Variants in CTNNA3 observed in about 807,000 individuals in gnomAD.
CTNNA3 encodes catenin alpha-3.
A neutral mutation model predicts 95.7 loss-of-function variants in CTNNA3; 76 were observed. The observed-to-expected ratio is 0.79, with a 90% CI of 0.66 to 0.96. The LOEUF (loss-of-function observed/expected upper bound fraction) is 0.96, where lower values mean the gene tolerates loss of function less well. Ranked by LOEUF, CTNNA3 falls within the 40% of genes least tolerant of loss-of-function variation. CTNNA3 has a pLI of 0.00. For missense variants in CTNNA3, 1,191 were observed against 1,089.8 expected (o/e 1.09, Z -1.31); for synonymous variants, 431 against 374.4 (o/e 1.15, Z -1.74).
At chr10:67,542,387 G>A (rs766545960) in intron 3 of CTNNA3, among the ~76,000 whole-genome samples, 3 of 152,164 alleles carry the variant, frequency 2.0e-5, no homozygotes, top group Middle Eastern at 3.4e-3. Context: ...AAACTAGTAA[G>A]TGCAAGAGCT....
At chr10:66,875,925 C>T (rs947160689) in intron 7 of CTNNA3, among the ~76,000 whole-genome samples, 2 of 152,098 alleles carry the variant, frequency 1.3e-5, no homozygotes, top group African/African-American at 2.4e-5. Context: ...TTTTCAGTGT[C>T]AGGTGCCTAC....
intron 7 of CTNNA3, among the ~76,000 whole-genome samples, chr10:67,062,570 T>G (rs2133224434): frequency 6.6e-6 from 1 of 151,770 alleles, no homozygotes; most frequent in African/African-American, 2.4e-5. Context: ...GCAGGCAAAC[T>G]TAGAACACAA....
chr10:66,067,934 T>A (rs1397399768), intron 15 of CTNNA3, among the ~76,000 whole-genome samples: 1 of 151,952 alleles, frequency 6.6e-6, no homozygotes, highest in African/African-American at 2.4e-5. Flanking sequence ...ATAAAAAGTT[T>A]ATCACTTTAT....
chr10:66,095,701 A>AT (rs558648400), intron 14 of CTNNA3, among the ~76,000 whole-genome samples: 135 of 151,900 alleles, frequency 8.9e-4, no homozygotes, highest in Middle Eastern at 3.4e-3. Flanking sequence ...TTTACATGGC[A>AT]TTTTTTTTAC....
chr10:67,130,155 C>T (rs1046624836), intron 7 of CTNNA3, among the ~76,000 whole-genome samples: 1 of 152,056 alleles, frequency 6.6e-6, no homozygotes, highest in Non-Finnish European at 1.5e-5. Flanking sequence ...AGGAGGGTTC[C>T]TGCCTCAGTG....
intron 5 of CTNNA3, among the ~76,000 whole-genome samples, chr10:67,292,065 T>G (rs1444690423): frequency 1.3e-5 from 2 of 152,320 alleles, no homozygotes; most frequent in South Asian, 4.1e-4. Context: ...TAGACTCTTC[T>G]TGGCCTCTCT....
chr10:66,602,959 G>T (rs937000485), intron 10 of CTNNA3, among the ~76,000 whole-genome samples: 4 of 151,770 alleles, frequency 2.6e-5, no homozygotes, highest in Non-Finnish European at 4.4e-5. Context: ...CACAATAAAG[G>T]CCATATGTGA....
intron 7 of CTNNA3, chr10:66,928,356 T>C (rs1244547911): frequency 1.2e-6 from 2 of 1,614,186 alleles, no homozygotes; most frequent in Non-Finnish European, 1.7e-6. Flanking sequence ...AGGAATTTTA[T>C]GTAGATTATA....
chr10:66,638,248 T>C (rs1369617677), intron 9 of CTNNA3, among the ~76,000 whole-genome samples: 2 of 152,204 alleles, frequency 1.3e-5, no homozygotes, highest in Non-Finnish European at 2.9e-5. Flanking sequence ...AAACTGTTCC[T>C]GCAAGTGACT....
chr10:67,711,839 T>C (rs1343371824), intron 1 of CTNNA3, among the ~76,000 whole-genome samples: 2 of 149,910 alleles, frequency 1.3e-5, no homozygotes, highest in East Asian at 2.0e-4. Context: ...CGGTGTTTGG[T>C]TTTTTGTTCT....
At chr10:67,309,638 T>G (rs1355583888) in intron 5 of CTNNA3, among the ~76,000 whole-genome samples, 1 of 152,162 alleles carries the variant, frequency 6.6e-6, no homozygotes, top group Non-Finnish European at 1.5e-5. Flanking sequence ...ATTATGTTGT[T>G]TTGACTGATC....
rs200358880 is a variant in CTNNA3, at chr10:66,840,378, A to T, written c.1048-64854T>A. ...CTCTCTCTCTCTCTCTCTCTCACACACACACACACACACACACACACACAC... is the reference window on the plus strand; with the variant it reads ...CTCTCTCTCTCTCTCTCTCTCACACTCACACACACACACACACACACACAC... On this transcript the variant is annotated intron_variant, in intron 7 of 17. Coordinates refer to ENST00000433211, the MANE Select transcript of CTNNA3 (RefSeq NM_013266.4). Among the ~76,000 whole-genome samples the T allele has an allele frequency of 9.5e-3, 903 of 95,236 alleles. 2 individuals are homozygous for T. Among genetic ancestry groups the T allele is most frequent in the East Asian group, 0.03 (74 of 2,470 alleles). The allele number at this position is 95,236 out of a possible 152,430, so 62.5% of individuals were successfully genotyped here.
At chr10:66,225,338 T>A (rs1389437662) in intron 13 of CTNNA3, among the ~76,000 whole-genome samples, 1 of 147,444 alleles carries the variant, frequency 6.8e-6, no homozygotes, top group Non-Finnish European at 1.5e-5. Flanking sequence ...CATAATCCCC[T>A]CCAGACTCAC....
At chr10:65,933,957 G>C (rs962192576) in intron 17 of CTNNA3, among the ~76,000 whole-genome samples, 13 of 152,160 alleles carry the variant, frequency 8.5e-5, no homozygotes, top group African/African-American at 3.1e-4. Context: ...CATATAAAGA[G>C]AATGCTCAGT....
chr10:67,119,156 A>G (rs1398802921), intron 7 of CTNNA3, among the ~76,000 whole-genome samples: 1 of 152,016 alleles, frequency 6.6e-6, no homozygotes, highest in African/African-American at 2.4e-5. Flanking sequence ...CAGAATGAAG[A>G]TATGTGTGAA....
chr10:67,526,995 C>T (rs549201021), intron 4 of CTNNA3, among the ~76,000 whole-genome samples: 7 of 152,272 alleles, frequency 4.6e-5, no homozygotes, highest in African/African-American at 9.6e-5. Context: ...CAGTGGCTCA[C>T]GCTGTAATCT....
chr10:67,166,386 A>G (rs1167914490), intron 7 of CTNNA3, among the ~76,000 whole-genome samples: 1 of 152,188 alleles, frequency 6.6e-6, no homozygotes, highest in Non-Finnish European at 1.5e-5. Flanking sequence ...ACTGGACACT[A>G]GAATCTTTAC....
At chr10:66,546,208 T>C (rs1319443168) in intron 10 of CTNNA3, among the ~76,000 whole-genome samples, 1 of 152,064 alleles carries the variant, frequency 6.6e-6, no homozygotes, top group Non-Finnish European at 1.5e-5. Context: ...TCTAAAAACA[T>C]ATGTTTTTGC....
chr10:67,637,089 C>A (rs1839342481), intron 2 of CTNNA3, among the ~76,000 whole-genome samples: 1 of 152,076 alleles, frequency 6.6e-6, no homozygotes, highest in Non-Finnish European at 1.5e-5. Context: ...AAGTTCGAAC[C>A]CATGGCAAAG....
Sources: gnomAD v4.1 joint callset for allele counts (sites outside exome capture counted in the v4.1 genomes callset) on GRCh38, gnomAD v4.1.1 for gene constraint, MANE v1.5 for transcripts, NCBI Gene and HGNC (gene_info 2026-07-23, HGNC 2026-07-21) for gene names.